CTNND2: variants seen among roughly 807,000 people sequenced by gnomAD.
CTNND2 encodes catenin delta-2.
Under a neutral mutation model 144.4 loss-of-function variants are expected in CTNND2, and 22 were observed. That is an observed-to-expected ratio of 0.15 (90% CI 0.11 to 0.22). The LOEUF is 0.22. Ranked by LOEUF, CTNND2 falls within the 10% of genes least tolerant of loss-of-function variation. The pLI, the probability that CTNND2 is intolerant of heterozygous loss-of-function variation, is 1.00. For synonymous variants in CTNND2, 751 were observed against 695.6 expected, an observed-to-expected ratio of 1.08 and a Z score of -1.25; for missense variants, 1,353 against 1,618.8, an observed-to-expected ratio of 0.84 and a Z score of 2.82.
chr5:11,519,647 T>C (rs1772534600), intron 3 of CTNND2, among the ~76,000 whole-genome samples: 1 of 152,120 alleles, frequency 6.6e-6, no homozygotes, highest in South Asian at 2.1e-4. Context: ...TTTCCTTATT[T>C]ATTGGTTTAT....
intron 3 of CTNND2, among the ~76,000 whole-genome samples, chr5:11,541,037 T>C (rs1774683048): frequency 6.6e-6 from 1 of 152,180 alleles, no homozygotes; most frequent in South Asian, 2.1e-4. Context: ...TACGACACCA[T>C]TGTTCTTATC....
intron 10 of CTNND2, among the ~76,000 whole-genome samples, chr5:11,228,599 C>T (rs1004413560): frequency 6.6e-6 from 1 of 151,704 alleles, no homozygotes; most frequent in African/African-American, 2.4e-5. Context: ...GATCCTCCTG[C>T]CTCAGCCTGC....
rs1052770114 is a variant in CTNND2 at position 11,889,108 on chromosome 5, T to C, written c.37+14709A>G. Among the ~76,000 whole-genome samples, 38 of 152,108 alleles carry C rather than the reference T, an allele frequency of 2.5e-4. No individual in the cohort carries two copies. In the Middle Eastern group the frequency reaches 0.01, roughly 41 times the overall value. On this transcript the variant is annotated intron_variant, in intron 1 of 21. Coordinates refer to ENST00000304623, the MANE Select transcript of CTNND2 (RefSeq NM_001332.4). Reference sequence around the variant, plus strand: ...GGCATGTACCAACCTTGGTAAATAATCAGATGAAGGCCCCTTTTCCTTCTT... The same window carrying C: ...GGCATGTACCAACCTTGGTAAATAACCAGATGAAGGCCCCTTTTCCTTCTT...
At chr5:11,233,603 C>T (rs370987131) in intron 10 of CTNND2, among the ~76,000 whole-genome samples, 10 of 152,286 alleles carry the variant, frequency 6.6e-5, no homozygotes, top group African/African-American at 2.2e-4. Flanking sequence ...TATGAAAACA[C>T]GACAGGCAGC....
At chr5:11,607,392 T>C (rs1050875441) in intron 2 of CTNND2, among the ~76,000 whole-genome samples, 1 of 152,070 alleles carries the variant, frequency 6.6e-6, no homozygotes, top group Non-Finnish European at 1.5e-5. Flanking sequence ...TATAATATTA[T>C]CTCCATCTTT....
intron 10 of CTNND2, among the ~76,000 whole-genome samples, chr5:11,224,784 C>A (rs576174247): frequency 6.6e-6 from 1 of 152,286 alleles, no homozygotes; most frequent in East Asian, 1.9e-4. Context: ...ATTTCTGAGT[C>A]TTTCTGGTTT....
intron 3 of CTNND2, among the ~76,000 whole-genome samples, chr5:11,483,757 G>A (rs951474618): frequency 2.0e-5 from 3 of 152,098 alleles, no homozygotes; most frequent in Non-Finnish European, 2.9e-5. Flanking sequence ...AATGATTTCT[G>A]GTACAGAAAA....
chr5:11,813,537 A>G (rs1199273819), intron 1 of CTNND2, among the ~76,000 whole-genome samples: 2 of 152,250 alleles, frequency 1.3e-5, no homozygotes, highest in African/African-American at 2.4e-5. Flanking sequence ...GGTCTTGTAC[A>G]AGCTGAAATG....
At chr5:11,206,740 G>C (rs1343608157) in intron 10 of CTNND2, among the ~76,000 whole-genome samples, 1 of 152,122 alleles carries the variant, frequency 6.6e-6, no homozygotes, top group Non-Finnish European at 1.5e-5. Flanking sequence ...AGACTAGAAA[G>C]TACCTAAGAA....
intron 8 of CTNND2, among the ~76,000 whole-genome samples, chr5:11,347,190 A>G (rs926807603): frequency 6.6e-6 from 1 of 152,174 alleles, no homozygotes; most frequent in Non-Finnish European, 1.5e-5. Context: ...CATTCAATCC[A>G]TGACTGCTCT....
At chr5:11,013,036 GA>G (rs1249309929) in intron 18 of CTNND2, among the ~76,000 whole-genome samples, 1 of 152,164 alleles carries the variant, frequency 6.6e-6, no homozygotes, top group Non-Finnish European at 1.5e-5. Context: ...AACAGAGGCA[GA>G]AAGATCTCTC....
Position 11,474,412 on chromosome 5 carries a change from A to G in CTNND2, c.288-62343T>C, listed in dbSNP as rs559310924. Among the ~76,000 whole-genome samples the G allele has an allele frequency of 3.3e-5, 5 of 152,352 alleles. No homozygotes were observed. In the East Asian group the frequency reaches 7.7e-4, roughly 24 times the overall value. On this transcript the variant is annotated intron_variant, in intron 3 of 21. Coordinates refer to ENST00000304623, the MANE Select transcript of CTNND2 (RefSeq NM_001332.4). ...AGAAAAATAATGTTTTTGTTATAAC[A>G]GTAAGAATCAAGGTTTAAAAATGAT...
intron 1 of CTNND2, among the ~76,000 whole-genome samples, chr5:11,732,857 T>C (rs1787468608): frequency 1.3e-5 from 2 of 151,938 alleles, no homozygotes; most frequent in South Asian, 2.1e-4. Flanking sequence ...GCCTCCTTTC[T>C]GATTGTGGGT....
At chr5:11,895,342 T>C (rs955243178) in intron 1 of CTNND2, among the ~76,000 whole-genome samples, 1 of 152,190 alleles carries the variant, frequency 6.6e-6, no homozygotes, top group Non-Finnish European at 1.5e-5. Context: ...GTTGTAATAG[T>C]GAATATACCA....
intron 5 of CTNND2, among the ~76,000 whole-genome samples, chr5:11,407,052 C>T (rs1311162452): frequency 1.3e-5 from 2 of 152,082 alleles, no homozygotes; most frequent in East Asian, 1.9e-4. Context: ...TGACTGACAA[C>T]ATTTTTGTGA....
At chr5:11,436,891 G>A (rs1763823266) in intron 3 of CTNND2, among the ~76,000 whole-genome samples, 1 of 152,086 alleles carries the variant, frequency 6.6e-6, no homozygotes, top group South Asian at 2.1e-4. Context: ...AATTAGTCAC[G>A]CCTTAAAATG....
At chr5:11,850,233 G>A (rs1251167969) in intron 1 of CTNND2, among the ~76,000 whole-genome samples, 6 of 151,940 alleles carry the variant, frequency 3.9e-5, no homozygotes, top group African/African-American at 7.3e-5. Context: ...ATGGAAAGAC[G>A]TTTCACTCCA....
At chr5:11,405,370 T>C (rs1334697144) in intron 5 of CTNND2, among the ~76,000 whole-genome samples, 1 of 152,212 alleles carries the variant, frequency 6.6e-6, no homozygotes. Context: ...AGAGAAGGTA[T>C]AACATGCTTC....
At chr5:11,119,195 T>C (rs1325536945) in intron 12 of CTNND2, among the ~76,000 whole-genome samples, 1 of 152,194 alleles carries the variant, frequency 6.6e-6, no homozygotes, top group Non-Finnish European at 1.5e-5. Context: ...CAGAATATGA[T>C]TTTTTAAGAA....
Sources: allele counts gnomAD v4.1 joint callset (sites outside exome capture counted in the v4.1 genomes callset), GRCh38; gene constraint gnomAD v4.1.1; transcripts MANE v1.5; gene names NCBI Gene and HGNC (gene_info 2026-07-23, HGNC 2026-07-21).